The following KCNMA1 variants were observed in gnomAD, a reference collection of about 807,000 sequenced individuals.
The protein encoded by KCNMA1 is Calcium-activated potassium channel subunit alpha-1.
KCNMA1 carries 29 observed loss-of-function variants against 140.0 expected under a neutral mutation model. The observed-to-expected ratio is 0.21, with a 90% CI of 0.15 to 0.28. The LOEUF (loss-of-function observed/expected upper bound fraction) is 0.28. KCNMA1 is among the 10% of genes least tolerant of loss of function. KCNMA1 has a pLI of 1.00. For missense variants in KCNMA1, 880 were observed against 1,602.2 expected (o/e 0.55, Z 7.70); for synonymous variants, 612 against 611.9 (o/e 1.00, Z 0.00).
rs141431675 is a variant in KCNMA1 at position 77,424,929 on chromosome 10, C to T, written c.379-20906G>A. 2.6e-3 allele frequency among the ~76,000 whole-genome samples: 401 copies of T among 152,318 alleles called. 1 individual carries two copies. The highest frequency in any genetic ancestry group is 8.4e-3 in the African/African-American group (348 of 41,550). On this transcript the variant is annotated intron_variant, in intron 1 of 27. Transcript: ENST00000286628. ...GATTTATTTGTTCAATGCTGGTCTC[C>T]CACACTAGACCATGAGCAGGAAGGA...
chr10:77,457,478 T>A (rs1332530828), intron 1 of KCNMA1, among the ~76,000 whole-genome samples: 1 of 152,142 alleles, frequency 6.6e-6, no homozygotes, highest in Non-Finnish European at 1.5e-5. Flanking sequence ...AGTTCCAGCA[T>A]CCGCCAGGTG....
At chr10:77,220,975 G>A (rs1194868519) in intron 3 of KCNMA1, among the ~76,000 whole-genome samples, 1 of 152,070 alleles carries the variant, frequency 6.6e-6, no homozygotes, top group Non-Finnish European at 1.5e-5. Context: ...GTGGATAGGT[G>A]GAAGGTTTAT....
intron 1 of KCNMA1, chr10:77,498,887 T>A (rs2042835752): frequency 6.6e-6 from 1 of 152,096 alleles, no homozygotes. Context: ...GCACAGGCTC[T>A]GCTGTGAAAC....
chr10:77,435,287 A>C (rs2097237911), intron 1 of KCNMA1, among the ~76,000 whole-genome samples: 1 of 152,180 alleles, frequency 6.6e-6, no homozygotes, highest in Admixed American at 6.5e-5. Flanking sequence ...CATGTGAAAA[A>C]CTGGTATCAC....
intron 1 of KCNMA1, among the ~76,000 whole-genome samples, chr10:77,503,472 C>T (rs148008832): frequency 5.8e-4 from 89 of 152,238 alleles, no homozygotes; most frequent in Admixed American, 1.2e-3. Flanking sequence ...CTAGGGCATT[C>T]TATGAAGCCA....
chr10:76,924,810 A>T (rs189543909), intron 23 of KCNMA1, among the ~76,000 whole-genome samples: 1 of 152,340 alleles, frequency 6.6e-6, no homozygotes. Flanking sequence ...ATCTCAGAGC[A>T]GAGGCCATTT....
At chr10:77,225,848 G>A (rs569639743) in intron 3 of KCNMA1, among the ~76,000 whole-genome samples, 2 of 152,266 alleles carry the variant, frequency 1.3e-5, no homozygotes, top group African/African-American at 4.8e-5. Context: ...CAGTGCTGTG[G>A]GCCCCTCTTG....
intron 1 of KCNMA1, among the ~76,000 whole-genome samples, chr10:77,530,978 T>C (rs531848256): frequency 6.6e-6 from 1 of 152,290 alleles, no homozygotes; most frequent in East Asian, 1.9e-4. Flanking sequence ...TCAAAGCATC[T>C]TGCATCCCAC....
chr10:77,431,518 G>A (rs1325051238), intron 1 of KCNMA1, among the ~76,000 whole-genome samples: 2 of 151,946 alleles, frequency 1.3e-5, no homozygotes, highest in Non-Finnish European at 1.5e-5. Context: ...GCAGACCTGG[G>A]GCCCCCTCTT....
chr10:77,323,047 C>G (rs1399330897), intron 2 of KCNMA1, among the ~76,000 whole-genome samples: 2 of 152,192 alleles, frequency 1.3e-5, no homozygotes, highest in Non-Finnish European at 2.9e-5. Context: ...TTCATAACCT[C>G]ACAGCTGTTC....
At chr10:77,211,404 G>A (rs149013975) in intron 3 of KCNMA1, among the ~76,000 whole-genome samples, 1,540 of 152,242 alleles carry the variant, frequency 0.01, 32 homozygotes, top group African/African-American at 0.034. Flanking sequence ...CTAACCATAC[G>A]TAGAAGAATG....
At chr10:77,232,840 T>C (rs2154209713) in intron 3 of KCNMA1, among the ~76,000 whole-genome samples, 1 of 151,876 alleles carries the variant, frequency 6.6e-6, no homozygotes, top group African/African-American at 2.4e-5. Context: ...ATGTGAAGAG[T>C]CCAATTTTAT....
intron 21 of KCNMA1, chr10:76,952,183 C>G: frequency 6.5e-7 from 1 of 1,549,554 alleles, no homozygotes. Flanking sequence ...TAACATCAGG[C>G]TAAATTTAGG....
chr10:77,403,714 T>G (rs1472120954), intron 2 of KCNMA1, 148 bp downstream of exon 2: 1 of 705,208 alleles, frequency 1.4e-6, no homozygotes, highest in Non-Finnish European at 2.3e-6. Context: ...CTCTCCTCCA[T>G]GACCACGCGG....
chr10:77,577,339 C>T (rs931067133), intron 1 of KCNMA1, among the ~76,000 whole-genome samples: 2 of 152,058 alleles, frequency 1.3e-5, no homozygotes, highest in Middle Eastern at 3.4e-3. Context: ...TGAGCCACCA[C>T]GCCCGGCTCA....
In KCNMA1 at chr10:76,889,490, C is replaced by G; in HGVS notation, c.3422G>C (p.Arg1141Thr). The change falls in exon 27 of 28, where the codon AGA becomes ACA. Residue 1141 changes from arginine (R) to threonine (T), a missense_variant. By Grantham distance (71) the Arg-to-Thr change is moderately conservative (BLOSUM62 -1). Coordinates refer to ENST00000286628, the MANE Select transcript of KCNMA1 (RefSeq NM_001161352.2). ...NMLCFGIYRL[R>T]DAHLSTPSQC... Reference sequence around the variant, plus strand: ...ACTGGGGGTGCTGAGGTGAGCATCTCTCAGCCGGTAAATTCCAAAACAAAG... The same window carrying G: ...ACTGGGGGTGCTGAGGTGAGCATCTGTCAGCCGGTAAATTCCAAAACAAAG... 6.2e-7 allele frequency: 1 copy of G among 1,614,098 alleles called. No homozygotes were observed. Among genetic ancestry groups the G allele is most frequent in the Non-Finnish European group, 8.5e-7 (1 of 1,179,994 alleles).
At chr10:77,618,555 C>T (rs2090348415) in intron 1 of KCNMA1, among the ~76,000 whole-genome samples, 1 of 152,120 alleles carries the variant, frequency 6.6e-6, no homozygotes, top group Non-Finnish European at 1.5e-5. Flanking sequence ...CAGGATGGCC[C>T]AGCAGCAATA....
At chr10:77,629,770 TAC>T (rs1183006210) in intron 1 of KCNMA1, among the ~76,000 whole-genome samples, 1 of 152,200 alleles carries the variant, frequency 6.6e-6, no homozygotes, top group Non-Finnish European at 1.5e-5. Flanking sequence ...GCACATCGTA[TAC>T]ACTTAATATG....
At chr10:77,544,381 A>T (rs900867928) in intron 1 of KCNMA1, among the ~76,000 whole-genome samples, 99 of 152,332 alleles carry the variant, frequency 6.5e-4, no homozygotes, top group Non-Finnish European at 2.5e-4. Context: ...CACGGCATCT[A>T]GCCCAGGAAT....
Sources: allele counts gnomAD v4.1 joint callset (sites outside exome capture counted in the v4.1 genomes callset), GRCh38; gene constraint gnomAD v4.1.1; transcripts MANE v1.5; gene names NCBI Gene and HGNC (gene_info 2026-07-23, HGNC 2026-07-21).